The following CLIP1 variants were observed in gnomAD, a reference collection of about 807,000 sequenced individuals.
The protein encoded by CLIP1 is CAP-Gly domain-containing linker protein 1.
A neutral mutation model predicts 161.6 loss-of-function variants in CLIP1; 66 were observed. That is an observed-to-expected ratio of 0.41 (90% CI 0.33 to 0.50). The LOEUF (loss-of-function observed/expected upper bound fraction) is 0.50, where lower values mean the gene tolerates loss of function less well. Ranked by LOEUF, CLIP1 falls within the 20% of genes least tolerant of loss-of-function variation. The pLI is 0.27. For synonymous variants in CLIP1, 598 were observed against 626.2 expected (o/e 0.96, Z 0.67); for missense variants, 1,376 against 1,702.0 (o/e 0.81, Z 3.37).
intron 1 of CLIP1, among the ~76,000 whole-genome samples, chr12:122,390,173 A>ATATATATATAT (rs1955538169): frequency 2.2e-3 from 2 of 914 alleles, no homozygotes; most frequent in Non-Finnish European, 0.021. Flanking sequence ...ACAGTCTCAG[A>ATATATATATAT]TATATATATA....
At chr12:122,387,571 TATATATATATATATATATA>T (rs1179732789) in intron 1 of CLIP1, among the ~76,000 whole-genome samples, 145 of 4,148 alleles carry the variant, frequency 0.035, 2 homozygotes, top group African/African-American at 0.049. Context: ...TATATATATA[TATATATATATATATATATA>T]TTTTTTTTTT....
chr12:122,337,058 C>G (rs1039495462), intron 11 of CLIP1, among the ~76,000 whole-genome samples: 1 of 151,328 alleles, frequency 6.6e-6, no homozygotes, highest in African/African-American at 2.4e-5. Context: ...AGCCTTAGAA[C>G]TCCTGAGTTC....
Position 122,377,775 on chromosome 12 carries a change from C to T in CLIP1, c.271G>A (p.Val91Ile), listed in dbSNP as rs772199924. The change falls in exon 3 of 26, where the codon GTT (valine) becomes ATT (isoleucine). Residue 91 changes from valine to isoleucine, a missense_variant. Val to Ile is a conservative substitution (Grantham distance 29, BLOSUM62 3). This residue lies in a region of CLIP1 where 27 missense variants were observed against 64.1 expected (regional missense o/e 0.42). Transcript: ENST00000620786. Reference sequence around the variant, plus strand: ...TTCTTGCCTATGGGTTCATCTAAAACAATTCCAGCCCACTGGCCTGGTGCA... The same window carrying T: ...TTCTTGCCTATGGGTTCATCTAAAATAATTCCAGCCCACTGGCCTGGTGCA... Reference protein sequence around the residue: ...QFAPGQWAGIVLDEPIGKNDG... With the variant: ...QFAPGQWAGIILDEPIGKNDG... 4 of 1,613,956 alleles carry T rather than the reference C, an allele frequency of 2.5e-6. No homozygotes were observed. The highest frequency in any genetic ancestry group is 1.3e-5 in the African/African-American group (1 of 74,974).
At chr12:122,314,415 G>A (rs536401747) in intron 19 of CLIP1, among the ~76,000 whole-genome samples, 3 of 152,266 alleles carry the variant, frequency 2.0e-5, no homozygotes, top group South Asian at 2.1e-4. Context: ...AGGTCGTGGT[G>A]AGCAGAGATC....
chr12:122,404,180 C>T (rs534082975), intron 1 of CLIP1, among the ~76,000 whole-genome samples: 1 of 152,152 alleles, frequency 6.6e-6, no homozygotes, highest in East Asian at 1.9e-4. Context: ...CAGTTTGGGG[C>T]GCAGGCCACA....
At chr12:122,308,512 T>C (rs547140468) in intron 20 of CLIP1, among the ~76,000 whole-genome samples, 1 of 152,202 alleles carries the variant, frequency 6.6e-6, no homozygotes, top group African/African-American at 2.4e-5. Context: ...GCAGTGACCC[T>C]AGTTAAGTCA....
intron 20 of CLIP1, among the ~76,000 whole-genome samples, chr12:122,302,988 C>G (rs1303674161): frequency 1.3e-5 from 2 of 152,112 alleles, no homozygotes; most frequent in Non-Finnish European, 2.9e-5. Flanking sequence ...GGCTTGGCCT[C>G]CCAAATTGCT....
rs555653076 is a variant in CLIP1, at chr12:122,335,930, C to T, written c.2568+702G>A. 8.5e-5 allele frequency among the ~76,000 whole-genome samples: 13 copies of T among 152,246 alleles called. No individual in the cohort carries two copies. In the South Asian group the frequency reaches 2.7e-3, roughly 32 times the overall value. On this transcript the variant is annotated intron_variant, in intron 12 of 25. Coordinates refer to ENST00000620786, the MANE Select transcript of CLIP1 (RefSeq NM_001247997.2). ...CTGACCCTGCGTGGCACATATACCTCGTCTAGTTTCTCCATAAGCCTCTGG... is the reference window on the plus strand; with the variant it reads ...CTGACCCTGCGTGGCACATATACCTTGTCTAGTTTCTCCATAAGCCTCTGG...
intron 21 of CLIP1, chr12:122,280,487 G>T (rs1348610188): frequency 4.6e-5 from 7 of 152,342 alleles, no homozygotes; most frequent in African/African-American, 1.7e-4. Flanking sequence ...ACAACTAACT[G>T]CAAGGCGGGA....
chr12:122,308,770 T>C (rs1022363261), intron 20 of CLIP1, among the ~76,000 whole-genome samples: 14 of 152,328 alleles, frequency 9.2e-5, no homozygotes, highest in Non-Finnish European at 1.6e-4. Flanking sequence ...ATCATCATCT[T>C]GGAGTCTGAA....
rs763901737 is a variant in CLIP1 at position 122,390,793 on chromosome 12, GA to G, written c.-106-10236del. The stretch of plus-strand genomic sequence containing the variant: ...ATCTCTCTTCTGCCAGATGAGGTAT[GA>G]AAAAAAAAAAAGAATAAAATGTTTA... On this transcript the variant is annotated intron_variant, in intron 1 of 25. Transcript: ENST00000620786. 2.8e-3 allele frequency among the ~76,000 whole-genome samples: 388 copies of G among 137,002 alleles called. 2 individuals carry two copies. The highest frequency in any genetic ancestry group is 7.9e-3 in the African/African-American group (297 of 37,390). 89.9% of individuals were successfully genotyped at this position (137,002 alleles called of 152,430 possible). A position where few individuals can be genotyped will look rare whatever the true frequency, so the allele number is the denominator to read the frequency against.
chr12:122,375,339 TAG>T (rs1476503881), intron 3 of CLIP1, among the ~76,000 whole-genome samples: 1 of 149,932 alleles, frequency 6.7e-6, no homozygotes, highest in Non-Finnish European at 1.5e-5. Flanking sequence ...TTCTTTGACA[TAG>T]AGTCTCACTC....
At position 122,272,324 on chromosome 12, in the gene CLIP1, A is replaced by G. The variant is rs1955212093; in HGVS notation, c.*551T>C. ...CATGATTTTATAATCACACCTAAGTATTATCAAGCCTGAAGTAAAGGCACT... is the reference window on the plus strand; with the variant it reads ...CATGATTTTATAATCACACCTAAGTGTTATCAAGCCTGAAGTAAAGGCACT... On this transcript the variant is annotated 3_prime_UTR_variant, in exon 26 of 26. Coordinates refer to ENST00000620786, the MANE Select transcript of CLIP1 (RefSeq NM_001247997.2). The G allele has an allele frequency of 6.5e-6, 1 of 154,612 alleles. No individual in the cohort carries two copies. Among genetic ancestry groups the G allele is most frequent in the Admixed American group, 6.4e-5 (1 of 15,604 alleles). 9.6% of individuals were successfully genotyped at this position (154,612 alleles called of 1,614,324 possible). A position where few individuals can be genotyped will look rare whatever the true frequency, so the allele number is the denominator to read the frequency against.
chr12:122,319,873 A>G lies in CLIP1; in HGVS notation c.3250-525T>C, dbSNP rs1428249106. On this transcript the variant is annotated intron_variant, in intron 17 of 25. Transcript: ENST00000620786. Reference sequence around the variant, plus strand: ...TAACATAAGGCTCAAGTGTTTAACGAGAAGCATTTAATGCAAGTTGTGGGT... The same window carrying G: ...TAACATAAGGCTCAAGTGTTTAACGGGAAGCATTTAATGCAAGTTGTGGGT... Among the ~76,000 whole-genome samples the G allele has an allele frequency of 2.6e-5, 4 of 152,266 alleles. No individual in the cohort carries two copies. In the South Asian group the frequency reaches 6.2e-4, roughly 24 times the overall value.
At chr12:122,329,368 C>A (rs934438888) in intron 15 of CLIP1, among the ~76,000 whole-genome samples, 1 of 151,682 alleles carries the variant, frequency 6.6e-6, no homozygotes, top group South Asian at 2.1e-4. Context: ...GTGGCTCACA[C>A]CTATAATCCC....
rs1386085134 is a variant in CLIP1, at chr12:122,383,412, G to C, written c.-106-2854C>G. On this transcript the variant is annotated intron_variant, in intron 1 of 25. Transcript: ENST00000620786. ...CAGTATCATAAACTCACAAAAATCT[G>C]ACCATCTTCAAGCCTCCGCCTAAAA... 4.6e-5 allele frequency among the ~76,000 whole-genome samples: 7 copies of C among 152,270 alleles called. No homozygotes were observed. The East Asian group carries it at 9.6e-4, about 21-fold the overall frequency.
intron 8 of CLIP1, 121 bp downstream of exon 8, chr12:122,352,605 C>A (rs900294706): frequency 2.2e-6 from 2 of 892,468 alleles, no homozygotes; most frequent in Non-Finnish European, 3.7e-6. Flanking sequence ...ACCCCCAGAA[C>A]CTTCCCCCGC....
rs1452451663 is a variant in CLIP1, at chr12:122,365,486, G to C, written c.658-1379C>G. 2.8e-5 allele frequency: 22 copies of C among 796,048 alleles called. No homozygotes were observed. In the East Asian group the frequency reaches 5.1e-4, roughly 18 times the overall value. 49.3% of individuals were successfully genotyped at this position (796,048 alleles called of 1,614,324 possible). Reference sequence around the variant, plus strand: ...CTTCCTGAAACGCGTGAAGGAAAATGATCAGAAAAAGAAAGAAGCCAAAGA... The same window carrying C: ...CTTCCTGAAACGCGTGAAGGAAAATCATCAGAAAAAGAAAGAAGCCAAAGA... On this transcript the variant is annotated intron_variant, in intron 3 of 25. Transcript: ENST00000620786.
At chr12:122,372,590 A>T (rs75626310) in intron 3 of CLIP1, among the ~76,000 whole-genome samples, 7 of 143,120 alleles carry the variant, frequency 4.9e-5, no homozygotes, top group Admixed American at 1.4e-4. Flanking sequence ...CATCTTGATT[A>T]AAAAAAAAAA....
Sources: gnomAD v4.1 joint callset for allele counts (sites outside exome capture counted in the v4.1 genomes callset) on GRCh38, gnomAD v4.1.1 for gene constraint, gnomAD v4.1.1 regional missense constraint, MANE v1.5 for transcripts, NCBI Gene and HGNC (gene_info 2026-07-23, HGNC 2026-07-21) for gene names.